Variants in C3orf49 observed in about 807,000 individuals in gnomAD.
C3orf49 encodes putative uncharacterized protein C3orf49.
C3orf49 carries 27 observed loss-of-function variants against 13.3 expected under a neutral mutation model. That is an observed-to-expected ratio of 2.02 (90% CI 1.49 to 2.79). The LOEUF is 2.79. Among genes scored for constraint, C3orf49 ranks in the 30% most tolerant of loss-of-function variants. C3orf49 has a pLI of 0.00. For synonymous variants in C3orf49, 87 were observed against 47.6 expected (o/e 1.83, Z -3.40); for missense variants, 242 against 134.2 (o/e 1.80, Z -3.97).
intron 1 of C3orf49, among the ~76,000 whole-genome samples, chr3:63,821,482 T>C (rs1461284582): frequency 6.6e-6 from 1 of 152,172 alleles, no homozygotes; most frequent in Non-Finnish European, 1.5e-5. Flanking sequence ...CTTATGTTCA[T>C]ACAAAACCTA....
intron 5 of C3orf49, among the ~76,000 whole-genome samples, chr3:63,840,098 GGTT>G (rs1360713737): frequency 6.6e-6 from 1 of 152,116 alleles, no homozygotes; most frequent in Non-Finnish European, 1.5e-5. Context: ...CAGTCTACTG[GGTT>G]GTTGAGTGGA....
chr3:63,830,058 TAA>T (rs1409788827), intron 3 of C3orf49, among the ~76,000 whole-genome samples: 1 of 152,120 alleles, frequency 6.6e-6, no homozygotes, highest in African/African-American at 2.4e-5. Context: ...TCTTGAAAAA[TAA>T]AAAGATTTGA....
At chr3:63,797,069 G>C in the C3orf49 span, among the ~76,000 whole-genome samples, 2 of 151,344 alleles carry the variant, frequency 1.3e-5, no homozygotes, top group South Asian at 4.2e-4. Flanking sequence ...TAATTTTGTT[G>C]GATATATTTT....
the C3orf49 span, chr3:63,782,981 G>C: frequency 6.6e-6 from 1 of 152,204 alleles, no homozygotes; most frequent in African/African-American, 2.4e-5. Context: ...TATTTTAACA[G>C]AGATGTGTAG....
At chr3:63,836,606 G>C (rs542421116) in intron 5 of C3orf49, among the ~76,000 whole-genome samples, 1 of 151,912 alleles carries the variant, frequency 6.6e-6, no homozygotes, top group Middle Eastern at 3.2e-3. Context: ...TGGACAGAAC[G>C]TAAGAGGTCA....
upstream of C3orf49, among the ~76,000 whole-genome samples, chr3:63,815,627 C>G (rs1231423236): frequency 3.9e-5 from 6 of 152,130 alleles, no homozygotes; most frequent in Non-Finnish European, 4.4e-5. Context: ...TAGTTTGTCT[C>G]TTTTTCAACA....
At chr3:63,831,635 G>C in intron 4 of C3orf49, 45 bp from the exon 5 acceptor site, 1 of 688,190 alleles carries the variant, frequency 1.5e-6, no homozygotes, top group African/African-American at 1.8e-5. Flanking sequence ...TTTTGACAAG[G>C]CTTTCCAACA....
the C3orf49 span, among the ~76,000 whole-genome samples, chr3:63,798,992 C>G: frequency 6.6e-6 from 1 of 152,118 alleles, no homozygotes; most frequent in South Asian, 2.1e-4. Context: ...CAGCTAAACC[C>G]TATTGGACTG....
the C3orf49 span, among the ~76,000 whole-genome samples, chr3:63,810,156 A>T: frequency 2.6e-5 from 4 of 152,128 alleles, no homozygotes; most frequent in African/African-American, 9.7e-5. Context: ...AAAAAAAAAA[A>T]AGTCATGGCA....
the C3orf49 span, among the ~76,000 whole-genome samples, chr3:63,798,842 C>A: frequency 7.9e-5 from 12 of 152,234 alleles, no homozygotes; most frequent in African/African-American, 2.6e-4. Context: ...GGCCCAGGAA[C>A]AAATTCTCTT....
At chr3:63,827,315 A>G (rs1473104700) in intron 2 of C3orf49, 1 of 244,288 alleles carries the variant, frequency 4.1e-6, no homozygotes, top group African/African-American at 2.2e-5. Context: ...TAATTCCACA[A>G]TGGTTCAGGG....
the C3orf49 span, among the ~76,000 whole-genome samples, chr3:63,812,122 G>A: frequency 6.6e-6 from 1 of 151,916 alleles, no homozygotes; most frequent in Non-Finnish European, 1.5e-5. Flanking sequence ...TTTTTATGAG[G>A]ATCCTGAAAT....
At chr3:63,787,642 A>G in the C3orf49 span, among the ~76,000 whole-genome samples, 17 of 152,158 alleles carry the variant, frequency 1.1e-4, no homozygotes, top group Non-Finnish European at 2.2e-4. Flanking sequence ...TCACCGGGAA[A>G]GCCACCGAAA....
chr3:63,831,946 G>A, intron 5 of C3orf49, 102 bp downstream of exon 5: 1 of 600,678 alleles, frequency 1.7e-6, no homozygotes, highest in East Asian at 2.9e-5. Context: ...TGTAATCTCA[G>A]CACTTTGGGA....
At chr3:63,787,298 A>G in the C3orf49 span, 1 of 152,206 alleles carries the variant, frequency 6.6e-6, no homozygotes, top group African/African-American at 2.4e-5. Flanking sequence ...CGGGAATAAT[A>G]ATGCTTATTT....
At chr3:63,826,792 A>T (rs1701468745) in intron 2 of C3orf49, 1 of 152,188 alleles carries the variant, frequency 6.6e-6, no homozygotes, top group Non-Finnish European at 1.5e-5. Context: ...TGTCTCATTT[A>T]GTGACCCCCT....
At chr3:63,831,305 A>C (rs996756327) in intron 4 of C3orf49, 82 bp downstream of exon 4, 2 of 652,190 alleles carry the variant, frequency 3.1e-6, no homozygotes, top group African/African-American at 3.7e-5. Context: ...CCTGCTAGAC[A>C]GCATGGGTGT....
chr3:63,805,845 A>T, the C3orf49 span, among the ~76,000 whole-genome samples: 1 of 152,246 alleles, frequency 6.6e-6, no homozygotes, highest in Non-Finnish European at 1.5e-5. Context: ...TGTCCAGAAC[A>T]AAGGCAACCA....
At chr3:63,801,094 G>GA in the C3orf49 span, among the ~76,000 whole-genome samples, 1 of 151,888 alleles carries the variant, frequency 6.6e-6, no homozygotes, top group Non-Finnish European at 1.5e-5. Context: ...CTGGGGAAGG[G>GA]AAAAAAGGGA....
Sources: gnomAD v4.1 joint callset for allele counts (sites outside exome capture counted in the v4.1 genomes callset) on GRCh38, gnomAD v4.1.1 for gene constraint, MANE v1.5 for transcripts, NCBI Gene and HGNC (gene_info 2026-07-23, HGNC 2026-07-21) for gene names.